ACACA: variants seen among roughly 807,000 people sequenced by gnomAD.
The protein encoded by ACACA is acetyl-CoA carboxylase alpha, also known as acetyl-CoA carboxylase 1.
In ACACA, 103 loss-of-function variants were observed where a neutral mutation model predicts 296.1. The ratio of observed to expected loss-of-function variants is 0.35; its 90% CI spans 0.30 to 0.41. The LOEUF (loss-of-function observed/expected upper bound fraction) is 0.41, where lower values mean the gene tolerates loss of function less well. Among genes scored for constraint, ACACA ranks in the 10% least tolerant of loss-of-function variants. The probability of loss-of-function intolerance (pLI) is 1.00; values close to 1 mark genes in which losing one functional copy is unlikely to be tolerated. For synonymous variants in ACACA, 953 were observed against 1,038.6 expected, an observed-to-expected ratio of 0.92 and a Z score of 1.58; for missense variants, 1,554 against 2,989.7, an observed-to-expected ratio of 0.52 and a Z score of 11.20.
chr17:37,085,065 A>G lies in ACACA; in HGVS notation c.*2251T>C, dbSNP rs1227916303. On this transcript the variant is annotated 3_prime_UTR_variant, in exon 56 of 56. Transcript: ENST00000616317. Reference sequence around the variant, plus strand: ...ATCTGAAGCTCCTGCTCATCACAGTATGTGTCCATCAAATTCTGAGACAAG... The same window carrying G: ...ATCTGAAGCTCCTGCTCATCACAGTGTGTGTCCATCAAATTCTGAGACAAG... The G allele has an allele frequency of 1.3e-5, 2 of 152,868 alleles. No homozygotes were observed. The highest frequency in any genetic ancestry group is 2.1e-4 in the South Asian group (1 of 4,844). The allele number at this position is 152,868 out of a possible 1,614,324, so 9.5% of individuals were successfully genotyped here.
chr17:37,372,361 C>T (rs1390067952), intron 1 of ACACA, among the ~76,000 whole-genome samples: 1 of 147,948 alleles, frequency 6.8e-6, no homozygotes, highest in African/African-American at 2.5e-5. Flanking sequence ...TGCAGTGAGC[C>T]GAGATCGCGC....
chr17:37,174,691 C>T (rs577831129), intron 41 of ACACA, among the ~76,000 whole-genome samples: 5 of 151,992 alleles, frequency 3.3e-5, no homozygotes, highest in African/African-American at 9.7e-5. Flanking sequence ...CGCCACCACG[C>T]CTGGCTAATT....
intron 16 of ACACA, among the ~76,000 whole-genome samples, chr17:37,250,659 C>G (rs771639480): frequency 6.6e-6 from 1 of 150,536 alleles, no homozygotes; most frequent in Admixed American, 6.6e-5. Flanking sequence ...TAAGATTAAA[C>G]GCGAAAAAAT....
chr17:37,294,517 C>T (rs1280584822), intron 3 of ACACA, among the ~76,000 whole-genome samples: 1 of 152,196 alleles, frequency 6.6e-6, no homozygotes, highest in Non-Finnish European at 1.5e-5. Flanking sequence ...AATCTTAAGG[C>T]ATGAGATAGC....
At chr17:37,256,273 T>C (rs1189633247) in intron 14 of ACACA, among the ~76,000 whole-genome samples, 1 of 152,346 alleles carries the variant, frequency 6.6e-6, no homozygotes, top group Admixed American at 6.5e-5. Flanking sequence ...TTTTTCACTT[T>C]GCAGAGCATA....
intron 1 of ACACA, among the ~76,000 whole-genome samples, chr17:37,389,601 C>T (rs1188583614): frequency 3.3e-5 from 5 of 151,698 alleles, no homozygotes; most frequent in Non-Finnish European, 5.9e-5. Context: ...GCAGGAGAAT[C>T]GCTTGAACCT....
intron 1 of ACACA, chr17:37,360,539 T>C (rs1217570714): frequency 6.6e-6 from 1 of 152,204 alleles, no homozygotes; most frequent in Non-Finnish European, 1.5e-5. Context: ...ACCTGGACTG[T>C]AGTCCCACCT....
chr17:37,104,943 C>CG lies in ACACA; in HGVS notation c.6565+6587dup, dbSNP rs528467154. ...GACAGAGTGAGAATCTGTCTCTGAC[C>CG]GAAAAAAAAAAAAAAAAAAAAAAGC... is the stretch of plus-strand genomic sequence containing the variant. On this transcript the variant is annotated intron_variant, in intron 52 of 55. Coordinates refer to ENST00000616317, the MANE Select transcript of ACACA (RefSeq NM_198834.3). Among the ~76,000 whole-genome samples the CG allele has an allele frequency of 2.9e-3, 172 of 59,984 alleles. No individual in the cohort carries two copies. The African/African-American group carries it at 0.03, about 10-fold the overall frequency. 39.4% of individuals were successfully genotyped at this position (59,984 alleles called of 152,430 possible).
At chr17:37,383,793 A>C (rs1300228620) in intron 1 of ACACA, among the ~76,000 whole-genome samples, 1 of 152,092 alleles carries the variant, frequency 6.6e-6, no homozygotes, top group Non-Finnish European at 1.5e-5. Context: ...AGATCACTTG[A>C]GCCCAACTCA....
intron 39 of ACACA, among the ~76,000 whole-genome samples, chr17:37,187,454 A>C (rs1449065189): frequency 6.6e-6 from 1 of 152,256 alleles, no homozygotes; most frequent in African/African-American, 2.4e-5. Context: ...GCAATTCTTG[A>C]ATTCAGGCCA....
Position 37,135,727 on chromosome 17 carries a change from A to G in ACACA, c.5680-5509T>C, listed in dbSNP as rs374879567. Among the ~76,000 whole-genome samples, 11 of 152,310 alleles carry G rather than the reference A, an allele frequency of 7.2e-5. No individual in the cohort carries two copies. In the East Asian group the frequency reaches 1.7e-3, roughly 24 times the overall value. ...TTTGAAGGTGGAGTGGGTAAGGAAC[A>G]GAGACTCATTTGTAATGTAAAAGAT... is the stretch of plus-strand genomic sequence containing the variant. On this transcript the variant is annotated intron_variant, in intron 45 of 55. Transcript: ENST00000616317.
chr17:37,130,060 G>A lies in ACACA; in HGVS notation c.5823+15C>T. On this transcript the variant is annotated intron_variant, in intron 46 of 55. Transcript: ENST00000616317. ...GCTCTGCAGGCCATGTCAGTGCTGGGTAGGAAGGGCTCACCTTGGGCATGT... is the reference window on the plus strand; with the variant it reads ...GCTCTGCAGGCCATGTCAGTGCTGGATAGGAAGGGCTCACCTTGGGCATGT... 6.2e-7 allele frequency: 1 copy of A among 1,614,020 alleles called. No homozygotes were observed. Among genetic ancestry groups the A allele is most frequent in the Non-Finnish European group, 8.5e-7 (1 of 1,179,916 alleles).
Position 37,224,966 on chromosome 17 carries a change from TTATATATATATA to T in ACACA, c.3474+14_3474+25del. 1 of 911,162 alleles carries T rather than the reference TTATATATATATA, an allele frequency of 1.1e-6. No individual in the cohort carries two copies. Among genetic ancestry groups the T allele is most frequent in the South Asian group, 2.2e-5 (1 of 44,498 alleles). The allele number at this position is 911,162 out of a possible 1,614,324, so 56.4% of individuals were successfully genotyped here. A position where few individuals can be genotyped will look rare whatever the true frequency, so the allele number is the denominator to read the frequency against. On this transcript the variant is annotated intron_variant, in intron 27 of 55. Transcript: ENST00000616317. ...AAGAGTCCAGATAGGCAGGAAAGGGTTATATATATATATATATATATATACCTGCAGGTTCTC... is the reference window on the plus strand; with the variant it reads ...AAGAGTCCAGATAGGCAGGAAAGGGTTATATATATATACCTGCAGGTTCTC...
At chr17:37,196,285 T>TAA (rs202097445) in intron 35 of ACACA, among the ~76,000 whole-genome samples, 9 of 144,160 alleles carry the variant, frequency 6.2e-5, no homozygotes, top group African/African-American at 2.0e-4. Flanking sequence ...AGAACTATCT[T>TAA]AAAAAAAAAA....
chr17:37,332,663 G>C (rs1330828288), intron 2 of ACACA, among the ~76,000 whole-genome samples: 1 of 151,438 alleles, frequency 6.6e-6, no homozygotes, highest in Admixed American at 6.6e-5. Flanking sequence ...GTAAATACCA[G>C]CACTTTGGTA....
chr17:37,148,794 C>A (rs2075920023), intron 45 of ACACA, among the ~76,000 whole-genome samples: 1 of 151,934 alleles, frequency 6.6e-6, no homozygotes, highest in African/African-American at 2.4e-5. Context: ...ATTCAAACTT[C>A]TGGGTTCAAG....
chr17:37,374,693 A>T (rs1263352775), intron 1 of ACACA, among the ~76,000 whole-genome samples: 7 of 152,218 alleles, frequency 4.6e-5, no homozygotes, highest in African/African-American at 7.2e-5. Flanking sequence ...AACAACAGTT[A>T]TCTGTCTAGG....
chr17:37,170,654 G>C (rs1356536160), intron 41 of ACACA, among the ~76,000 whole-genome samples: 1 of 152,130 alleles, frequency 6.6e-6, no homozygotes, highest in Non-Finnish European at 1.5e-5. Flanking sequence ...GAGGACCTTG[G>C]TTTAATGTTA....
At chr17:37,119,073 T>C (rs2143008867) in intron 50 of ACACA, among the ~76,000 whole-genome samples, 1 of 152,246 alleles carries the variant, frequency 6.6e-6, no homozygotes. Flanking sequence ...TAAGGAGTAA[T>C]AGCATAGCAT....
Sources: allele counts gnomAD v4.1 joint callset (sites outside exome capture counted in the v4.1 genomes callset), GRCh38; gene constraint gnomAD v4.1.1; transcripts MANE v1.5; gene names NCBI Gene and HGNC (gene_info 2026-07-23, HGNC 2026-07-21).